CTNNA2: variants seen among roughly 807,000 people sequenced by gnomAD.
CTNNA2 encodes catenin alpha 2.
A neutral mutation model predicts 101.0 loss-of-function variants in CTNNA2; 42 were observed. The ratio of observed to expected loss-of-function variants is 0.42; its 90% CI spans 0.32 to 0.54. The LOEUF is 0.54. Ranked by LOEUF, CTNNA2 falls within the 20% of genes least tolerant of loss-of-function variation. The pLI is 0.14. For synonymous variants in CTNNA2, 450 were observed against 456.4 expected (o/e 0.99, Z 0.18); for missense variants, 871 against 1,223.1 (o/e 0.71, Z 4.29).
At chr2:80,185,669 G>A (rs141348326) in intron 7 of CTNNA2, among the ~76,000 whole-genome samples, 31 of 152,240 alleles carry the variant, frequency 2.0e-4, no homozygotes, top group South Asian at 1.5e-3. Flanking sequence ...CTGTTTGTTC[G>A]GTGAGTCCTT....
At chr2:79,757,844 C>G (rs1395889557) in intron 3 of CTNNA2, among the ~76,000 whole-genome samples, 1 of 152,198 alleles carries the variant, frequency 6.6e-6, no homozygotes, top group Non-Finnish European at 1.5e-5. Flanking sequence ...ATCTTACATT[C>G]ATTCCAGCAT....
At chr2:79,203,689 C>T (rs1417541586) in intron 2 of CTNNA2, among the ~76,000 whole-genome samples, 6 of 152,176 alleles carry the variant, frequency 3.9e-5, no homozygotes, top group African/African-American at 1.4e-4. Context: ...GGGACAAGAA[C>T]GAAAGGTTAT....
intron 2 of CTNNA2, among the ~76,000 whole-genome samples, chr2:79,253,014 T>A (rs1674793457): frequency 6.6e-6 from 1 of 152,156 alleles, no homozygotes; most frequent in Admixed American, 6.5e-5. Flanking sequence ...AGCCTTTCCT[T>A]AGTGCCACTG....
Position 80,302,387 on chromosome 2 carries a change from T to C in CTNNA2, c.1057-90824T>C. The C allele has an allele frequency of 6.2e-7, 1 of 1,614,228 alleles. No individual in the cohort carries two copies. Among genetic ancestry groups the C allele is most frequent in the Non-Finnish European group, 8.5e-7 (1 of 1,180,036 alleles). On this transcript the variant is annotated intron_variant, in intron 7 of 18. Transcript: ENST00000402739. The surrounding 1 kb of genome is among the most constrained non-coding windows in gnomAD (Gnocchi z 6.4). ...CTGGGCAGACATGGCAGCCATCTGA[T>C]GCATGGTCTGTTTCTGCTTTTGCTT...
intron 9 of CTNNA2, among the ~76,000 whole-genome samples, chr2:80,523,186 C>A (rs571327582): frequency 7.9e-5 from 12 of 152,202 alleles, no homozygotes; most frequent in South Asian, 2.1e-4. Flanking sequence ...ATGAAAAAAA[C>A]CACTTGTAGC....
At chr2:80,095,294 C>G (rs893329672) in intron 7 of CTNNA2, among the ~76,000 whole-genome samples, 1 of 152,048 alleles carries the variant, frequency 6.6e-6, no homozygotes, top group African/African-American at 2.4e-5. Context: ...TGTTTATATG[C>G]TGGATTACGT....
At chr2:79,291,239 A>G (rs1031192412) in intron 2 of CTNNA2, among the ~76,000 whole-genome samples, 7 of 152,212 alleles carry the variant, frequency 4.6e-5, no homozygotes, top group East Asian at 1.9e-4. Context: ...TGAAATTTGC[A>G]TTATCTTATT....
chr2:80,151,978 G>A (rs955038962), intron 7 of CTNNA2, among the ~76,000 whole-genome samples: 1 of 152,254 alleles, frequency 6.6e-6, no homozygotes, highest in Non-Finnish European at 1.5e-5. Flanking sequence ...TGGGCATCAG[G>A]CAAGGGTTCA....
intron 7 of CTNNA2, among the ~76,000 whole-genome samples, chr2:79,988,931 C>A (rs903751700): frequency 3.3e-5 from 5 of 152,124 alleles, no homozygotes; most frequent in African/African-American, 4.8e-5. Flanking sequence ...GATAAAAGTT[C>A]TTTTACTGTA....
At chr2:79,877,621 A>C (rs1032840555) in intron 6 of CTNNA2, among the ~76,000 whole-genome samples, 1 of 152,160 alleles carries the variant, frequency 6.6e-6, no homozygotes, top group Admixed American at 6.5e-5. Flanking sequence ...TGCTATTCTC[A>C]GATATTAAAC....
intron 7 of CTNNA2, among the ~76,000 whole-genome samples, chr2:80,139,775 T>C (rs768302849): frequency 6.6e-6 from 1 of 152,184 alleles, no homozygotes; most frequent in Non-Finnish European, 1.5e-5. Context: ...ATCCAATTTC[T>C]CTGGTCTTGT....
intron 15 of CTNNA2, among the ~76,000 whole-genome samples, chr2:80,598,699 T>C (rs577414234): frequency 3.9e-5 from 6 of 152,188 alleles, no homozygotes; most frequent in Admixed American, 2.6e-4. Context: ...CACAGACTAC[T>C]ACTCAGCAAT....
At chr2:79,646,714 G>T (rs1680849827) in intron 1 of CTNNA2, among the ~76,000 whole-genome samples, 1 of 151,672 alleles carries the variant, frequency 6.6e-6, no homozygotes, top group South Asian at 2.1e-4. Context: ...ATTTTTTGTA[G>T]ATATTGGTCT....
intron 7 of CTNNA2, among the ~76,000 whole-genome samples, chr2:80,296,187 AT>A (rs1370358382): frequency 1.3e-5 from 2 of 152,126 alleles, no homozygotes; most frequent in East Asian, 3.9e-4. Flanking sequence ...TCAAGCATTT[AT>A]TTTTTTAGCA....
At chr2:79,744,127 G>A (rs1247366733) in intron 2 of CTNNA2, among the ~76,000 whole-genome samples, 2 of 152,082 alleles carry the variant, frequency 1.3e-5, no homozygotes, top group African/African-American at 4.8e-5. Flanking sequence ...TGACCCACTG[G>A]CAAGTATGCT....
At chr2:80,189,128 A>AT (rs1295669080) in intron 7 of CTNNA2, among the ~76,000 whole-genome samples, 4 of 151,314 alleles carry the variant, frequency 2.6e-5, no homozygotes, top group African/African-American at 7.3e-5. Context: ...AATTTTTTGT[A>AT]TTTTTAGTAG....
upstream of CTNNA2, among the ~76,000 whole-genome samples, chr2:79,512,816 C>A (rs1400813617): frequency 6.6e-6 from 1 of 151,368 alleles, no homozygotes; most frequent in Admixed American, 6.6e-5. Context: ...CGCGCGCCCG[C>A]GGCCCCCCAC....
At chr2:80,621,756 G>A (rs949366219) in intron 18 of CTNNA2, among the ~76,000 whole-genome samples, 5 of 131,872 alleles carry the variant, frequency 3.8e-5, no homozygotes, top group African/African-American at 9.9e-5. Flanking sequence ...ATGTACTATG[G>A]GGGATAAAAA....
At chr2:79,757,157 T>C (rs1343578064) in intron 3 of CTNNA2, among the ~76,000 whole-genome samples, 1 of 152,204 alleles carries the variant, frequency 6.6e-6, no homozygotes, top group African/African-American at 2.4e-5. Context: ...TTTAGACTTA[T>C]GGAAAATTCG....
Sources: gnomAD v4.1 joint callset for allele counts (sites outside exome capture counted in the v4.1 genomes callset) on GRCh38, gnomAD v4.1.1 for gene constraint, Gnocchi (gnomAD v3.1) non-coding constraint, MANE v1.5 for transcripts, NCBI Gene and HGNC (gene_info 2026-07-23, HGNC 2026-07-21) for gene names.